Variants in EHMT1 observed in about 807,000 individuals in gnomAD.
The protein encoded by EHMT1 is histone-lysine N-methyltransferase EHMT1.
In EHMT1, 15 loss-of-function variants were observed where a neutral mutation model predicts 147.2. The observed-to-expected ratio is 0.10, with a 90% CI of 0.07 to 0.16. EHMT1 has a LOEUF of 0.16. Among genes scored for constraint, EHMT1 ranks in the 10% least tolerant of loss-of-function variants. The pLI, the probability that EHMT1 is intolerant of heterozygous loss-of-function variation, is 1.00. For synonymous variants in EHMT1, 795 were observed against 709.6 expected, an observed-to-expected ratio of 1.12 and a Z score of -1.91; for missense variants, 1,587 against 1,772.4, an observed-to-expected ratio of 0.90 and a Z score of 1.88.
intron 1 of EHMT1, among the ~76,000 whole-genome samples, chr9:137,649,491 A>C (rs758178771): frequency 3.1e-4 from 44 of 143,206 alleles, no homozygotes; most frequent in Non-Finnish European, 4.6e-4. Flanking sequence ...AACAAACAAA[A>C]ATGTCCTCCC....
intron 1 of EHMT1, among the ~76,000 whole-genome samples, chr9:137,696,178 A>C (rs1943381835): frequency 6.6e-6 from 1 of 152,226 alleles, no homozygotes. Context: ...AATCTCTCAG[A>C]TATTGAAAGG....
At chr9:137,831,690 TCTGGTTCATCTCAAGG>T (rs752264975) in intron 25 of EHMT1, among the ~76,000 whole-genome samples, 49 of 152,274 alleles carry the variant, frequency 3.2e-4, no homozygotes, top group Non-Finnish European at 6.0e-4. Flanking sequence ...TGGCCCAGTG[TCTGGTTCATCTCAAGG>T]CTGGACTCAG....
At position 137,754,435 on chromosome 9, in the gene EHMT1, T is replaced by G; in HGVS notation, c.1369+144T>G. On this transcript the variant is annotated intron_variant, in intron 8 of 26. Coordinates refer to ENST00000460843, the MANE Select transcript of EHMT1 (RefSeq NM_024757.5). Reference sequence around the variant, plus strand: ...AAAAAAATGTTTGAAATGACTTTGTTAGAGAAACTCAAGTGATTCTAAAGT... The same window carrying G: ...AAAAAAATGTTTGAAATGACTTTGTGAGAGAAACTCAAGTGATTCTAAAGT... 8 of 1,225,406 alleles carry G rather than the reference T, an allele frequency of 6.5e-6. No individual in the cohort carries two copies. The South Asian group carries it at 1.3e-4, about 19-fold the overall frequency. The allele number at this position is 1,225,406 out of a possible 1,614,324, so 75.9% of individuals were successfully genotyped here.
chr9:137,805,798 G>A (rs1448024776), intron 18 of EHMT1, among the ~76,000 whole-genome samples: 1 of 151,994 alleles, frequency 6.6e-6, no homozygotes, highest in Non-Finnish European at 1.5e-5. Context: ...GAGTAGCTGG[G>A]ATTACAGGCA....
intron 1 of EHMT1, among the ~76,000 whole-genome samples, chr9:137,631,987 G>C (rs2987621): frequency 3.3e-5 from 5 of 150,780 alleles, no homozygotes; most frequent in African/African-American, 9.9e-5. Context: ...GTGTTCAGAC[G>C]CACATGTGTC....
intron 3 of EHMT1, among the ~76,000 whole-genome samples, chr9:137,720,966 C>T (rs1404797616): frequency 3.3e-5 from 5 of 152,198 alleles, no homozygotes; most frequent in Non-Finnish European, 7.4e-5. Flanking sequence ...GCCTTTCACA[C>T]GCCCACCGGC....
rs2136886387 is a variant in EHMT1, at chr9:137,782,068, G to A, written c.2276-223G>A. On this transcript the variant is annotated intron_variant, in intron 14 of 26. Coordinates refer to ENST00000460843, the MANE Select transcript of EHMT1 (RefSeq NM_024757.5). This position sits in a 1 kb window ranked among gnomAD's most constrained non-coding sequence, Gnocchi z 5.7. Reference sequence around the variant, plus strand: ...TAAAGGGAAGAGCGTGCCTTGCCGAGTTAGTTCTGACAGAGGGACCTGCCT... The same window carrying A: ...TAAAGGGAAGAGCGTGCCTTGCCGAATTAGTTCTGACAGAGGGACCTGCCT... 6.6e-6 allele frequency among the ~76,000 whole-genome samples: 1 copy of A among 152,194 alleles called. No individual in the cohort carries two copies. Among genetic ancestry groups the A allele is most frequent in the South Asian group, 2.1e-4 (1 of 4,820 alleles).
intron 15 of EHMT1, chr9:137,784,141 C>T (rs1167896751): frequency 6.5e-7 from 1 of 1,544,418 alleles, no homozygotes; most frequent in South Asian, 1.2e-5. Flanking sequence ...CGAGGGGCTG[C>T]CTTTGGTGAC....
intron 14 of EHMT1, among the ~76,000 whole-genome samples, chr9:137,781,609 C>T (rs1007336118): frequency 6.6e-6 from 1 of 152,178 alleles, no homozygotes; most frequent in Non-Finnish European, 1.5e-5. Context: ...ATTTCTAATA[C>T]GCAAAAGCAT....
At chr9:137,762,524 C>G in intron 9 of EHMT1, 151 bp from the exon 10 acceptor site, 2 of 1,373,398 alleles carry the variant, frequency 1.5e-6, no homozygotes, top group South Asian at 2.6e-5. Context: ...GCCATCCCCG[C>G]CCCACGCAGG....
chr9:137,669,120 C>G (rs1456984767), intron 1 of EHMT1, among the ~76,000 whole-genome samples: 1 of 152,150 alleles, frequency 6.6e-6, no homozygotes, highest in Non-Finnish European at 1.5e-5. Flanking sequence ...CTCCTGATCT[C>G]AGGTGATCCG....
At chr9:137,691,326 A>ATATAT (rs1564593747) in intron 1 of EHMT1, among the ~76,000 whole-genome samples, 1 of 145,846 alleles carries the variant, frequency 6.9e-6, no homozygotes. Flanking sequence ...TATATATATA[A>ATATAT]AATATATTTT....
intron 1 of EHMT1, among the ~76,000 whole-genome samples, chr9:137,688,906 G>A: frequency 6.6e-6 from 1 of 152,162 alleles, no homozygotes; most frequent in East Asian, 1.9e-4. Context: ...TCTGAGCTCT[G>A]ATCTGCTATT....
intron 21 of EHMT1, chr9:137,814,218 G>A: frequency 1.5e-6 from 1 of 647,484 alleles, no homozygotes; most frequent in South Asian, 1.7e-5. Flanking sequence ...CTGTCCCTCT[G>A]TCAGGGTCCT....
intron 10 of EHMT1, among the ~76,000 whole-genome samples, chr9:137,769,558 G>A (rs1950462757): frequency 1.3e-5 from 2 of 151,446 alleles, no homozygotes. Context: ...GAGGTTACTC[G>A]AGTGTGGCTT....
intron 25 of EHMT1, 174 bp from the exon 26 acceptor site, chr9:137,834,175 G>GA (rs1353359062): frequency 3.7e-6 from 3 of 815,774 alleles, no homozygotes; most frequent in Non-Finnish European, 5.7e-6. Flanking sequence ...ACAGCGAGGA[G>GA]AAGGCTGGCG....
intron 1 of EHMT1, among the ~76,000 whole-genome samples, chr9:137,624,307 CTTTTTTTT>C (rs1252295320): frequency 7.6e-6 from 1 of 130,814 alleles, no homozygotes; most frequent in Admixed American, 7.7e-5. Context: ...TGCCCGGCCT[CTTTTTTTT>C]TTTTTTTTTT....
chr9:137,741,912 C>A (rs1028102513), intron 4 of EHMT1, among the ~76,000 whole-genome samples: 3 of 152,338 alleles, frequency 2.0e-5, no homozygotes, highest in Admixed American at 6.5e-5. Context: ...AGGCCTCCTT[C>A]ATCCCCCCAC....
In EHMT1 at chr9:137,777,879, A is replaced by G. The variant is rs1054093394; in HGVS notation, c.2019-3A>G. ...AACCTTTCCCCGATTTCCTCCCCTG[A>G]AGTGCTGCCGGGCCACCACTCTCGG... On this transcript the variant is annotated splice_polypyrimidine_tract_variant and splice_region_variant and intron_variant, in intron 12 of 26. Transcript: ENST00000460843. 6.2e-7 allele frequency: 1 copy of G among 1,612,704 alleles called. No homozygotes were observed. The highest frequency in any genetic ancestry group is 1.3e-5 in the African/African-American group (1 of 74,848).
Sources: allele counts gnomAD v4.1 joint callset (sites outside exome capture counted in the v4.1 genomes callset), GRCh38; gene constraint gnomAD v4.1.1; non-coding constraint Gnocchi (gnomAD v3.1); transcripts MANE v1.5; gene names NCBI Gene and HGNC (gene_info 2026-07-23, HGNC 2026-07-21).